PIP4K2A: variants seen among roughly 807,000 people sequenced by gnomAD.
The protein encoded by PIP4K2A is phosphatidylinositol-5-phosphate 4-kinase type 2 alpha.
PIP4K2A carries 14 observed loss-of-function variants against 42.9 expected under a neutral mutation model. The observed-to-expected ratio is 0.33, with a 90% CI of 0.22 to 0.51. PIP4K2A has a LOEUF of 0.51. Among genes scored for constraint, PIP4K2A ranks in the 20% least tolerant of loss-of-function variants. PIP4K2A has a pLI of 0.97. For synonymous variants in PIP4K2A, 192 were observed against 192.2 expected (o/e 1.00, Z 0.01); for missense variants, 434 against 519.8 (o/e 0.83, Z 1.61).
At chr10:22,627,588 T>TAAAAAAAAAAAAAAAAAAAAAAAAAA (rs1564448260) in intron 1 of PIP4K2A, among the ~76,000 whole-genome samples, 2 of 38,924 alleles carry the variant, frequency 5.1e-5, no homozygotes, top group African/African-American at 7.3e-5. Flanking sequence ...AGCTAATATG[T>TAAAAAAAAAAAAAAAAAAAAAAAAAA]AATAAAAAAA....
rs148943048 is a variant in PIP4K2A at position 22,595,985 on chromosome 10, C to G, written c.340-4204G>C. ...CTTTGGGAGGCCAAGGCGGGCAGAT[C>G]ACCTGAGGCTGGGAGTTCGAGACTA... is the stretch of plus-strand genomic sequence containing the variant. On this transcript the variant is annotated intron_variant, in intron 3 of 9. Transcript: ENST00000376573. Among the ~76,000 whole-genome samples, 12 of 152,106 alleles carry G rather than the reference C, an allele frequency of 7.9e-5. 1 individual carries two copies. The highest frequency in any genetic ancestry group is 2.1e-4 in the South Asian group (1 of 4,826).
intron 4 of PIP4K2A, among the ~76,000 whole-genome samples, chr10:22,586,629 C>G (rs763763185): frequency 3.9e-5 from 6 of 152,150 alleles, no homozygotes; most frequent in South Asian, 2.1e-4. Flanking sequence ...CTCCTGGGTT[C>G]AAGCGATTCT....
In PIP4K2A at chr10:22,652,852, G is replaced by A. The variant is rs572807206; in HGVS notation, c.145-43135C>T. 3.3e-5 allele frequency among the ~76,000 whole-genome samples: 5 copies of A among 152,296 alleles called. No homozygotes were observed. The East Asian group carries it at 9.6e-4, about 29-fold the overall frequency. On this transcript the variant is annotated intron_variant, in intron 1 of 9. Coordinates refer to ENST00000376573, the MANE Select transcript of PIP4K2A (RefSeq NM_005028.5). ...CTCACGCCTACAAGCCCAGAGCTTT[G>A]GGAGGCTGAGGCTTGAGGATCACTC...
rs114457694 is a variant in PIP4K2A at position 22,535,965 on chromosome 10, A to G, written c.*1236T>C. ...TTGACTAAAACACTCACGTAAAAAC[A>G]TGGCTGCAGGATACGTCTCAAAATA... On this transcript the variant is annotated 3_prime_UTR_variant, in exon 10 of 10. Transcript: ENST00000376573. 5.1e-6 allele frequency: 2 copies of G among 395,386 alleles called. No homozygotes were observed. Among genetic ancestry groups the G allele is most frequent in the African/African-American group, 4.1e-5 (2 of 48,714 alleles). 24.5% of individuals were successfully genotyped at this position (395,386 alleles called of 1,614,324 possible). A position where few individuals can be genotyped will look rare whatever the true frequency, so the allele number is the denominator to read the frequency against.
chr10:22,613,528 C>T lies in PIP4K2A; in HGVS notation c.145-3811G>A, dbSNP rs186445712. Among the ~76,000 whole-genome samples the T allele has an allele frequency of 1.6e-4, 24 of 152,232 alleles. 1 individual carries two copies. In the East Asian group the frequency reaches 4.4e-3, roughly 28 times the overall value. On this transcript the variant is annotated intron_variant, in intron 1 of 9. Transcript: ENST00000376573. ...GGAGGGAAGATGGGGCTCCCGACCA[C>T]TGGCTCCTATTTTCTCTGGGGATTA...
chr10:22,567,825 G>C, intron 6 of PIP4K2A, 26 bp downstream of exon 6: 1 of 1,594,000 alleles, frequency 6.3e-7, no homozygotes, highest in Non-Finnish European at 8.6e-7. Flanking sequence ...CCCAGGACAT[G>C]GGGAGACATA....
At chr10:22,540,103 G>GCACT in intron 8 of PIP4K2A, 29 bp from the exon 9 acceptor site, 1 of 1,202,934 alleles carries the variant, frequency 8.3e-7, no homozygotes, top group South Asian at 1.2e-5. Context: ...AATGACTGTG[G>GCACT]GACATGTGAC....
At chr10:22,663,548 A>G (rs1418053361) in intron 1 of PIP4K2A, among the ~76,000 whole-genome samples, 1 of 152,216 alleles carries the variant, frequency 6.6e-6, no homozygotes, top group South Asian at 2.1e-4. Context: ...GTATGTAGGT[A>G]GCATATTTCA....
chr10:22,678,250 T>C (rs959134589), intron 1 of PIP4K2A, among the ~76,000 whole-genome samples: 10 of 151,598 alleles, frequency 6.6e-5, no homozygotes, highest in African/African-American at 1.7e-4. Context: ...GCCAGGAGGG[T>C]TCCACTTTCT....
At chr10:22,698,066 G>A (rs190972774) in intron 1 of PIP4K2A, among the ~76,000 whole-genome samples, 9 of 152,178 alleles carry the variant, frequency 5.9e-5, no homozygotes, top group South Asian at 2.1e-4. Context: ...CTTAGAGTCC[G>A]ACGAAGAAAA....
At chr10:22,628,135 ATG>A (rs71836242) in intron 1 of PIP4K2A, among the ~76,000 whole-genome samples, 21,829 of 152,172 alleles carry the variant, frequency 0.14, 1,881 homozygotes, top group African/African-American at 0.24. Context: ...TACAATGCCA[ATG>A]ATTAAGTTTC....
At chr10:22,573,865 C>T (rs1217905659) in intron 4 of PIP4K2A, among the ~76,000 whole-genome samples, 1 of 152,252 alleles carries the variant, frequency 6.6e-6, no homozygotes, top group Non-Finnish European at 1.5e-5. Context: ...GCTAAAATAG[C>T]TTCTCTAACA....
chr10:22,647,308 C>CTGTGTGTGTGTG (rs747952978), intron 1 of PIP4K2A, among the ~76,000 whole-genome samples: 1 of 140,230 alleles, frequency 7.1e-6, no homozygotes, highest in African/African-American at 2.6e-5. Flanking sequence ...TCTCTAAATA[C>CTGTGTGTGTGTG]TGTGTGTGTG....
At chr10:22,619,432 CTTTTTT>C (rs1838261514) in intron 1 of PIP4K2A, among the ~76,000 whole-genome samples, 2 of 130,776 alleles carry the variant, frequency 1.5e-5, no homozygotes, top group African/African-American at 3.9e-5. Flanking sequence ...TTTTCTTTTT[CTTTTTT>C]CTTTTTTTTT....
intron 4 of PIP4K2A, among the ~76,000 whole-genome samples, chr10:22,583,858 G>A (rs571962636): frequency 1.3e-5 from 2 of 152,342 alleles, no homozygotes; most frequent in South Asian, 2.1e-4. Flanking sequence ...GGCCTGCAGG[G>A]GCAGCTCCTT....
At chr10:22,544,875 G>C (rs1321167990) in intron 7 of PIP4K2A, among the ~76,000 whole-genome samples, 1 of 152,184 alleles carries the variant, frequency 6.6e-6, no homozygotes, top group Non-Finnish European at 1.5e-5. Flanking sequence ...GTGCCTTCAG[G>C]TCTCAGCTGC....
chr10:22,569,606 G>A (rs927639744), intron 5 of PIP4K2A, among the ~76,000 whole-genome samples: 4 of 152,140 alleles, frequency 2.6e-5, no homozygotes, highest in Admixed American at 6.5e-5. Context: ...GGAACAGGAA[G>A]AAACTATTCT....
At chr10:22,577,168 T>G (rs909603053) in intron 4 of PIP4K2A, among the ~76,000 whole-genome samples, 1 of 151,988 alleles carries the variant, frequency 6.6e-6, no homozygotes, top group East Asian at 1.9e-4. Flanking sequence ...TGAGCGGTGC[T>G]GACTTTGCAT....
At position 22,624,221 on chromosome 10, in the gene PIP4K2A, T is replaced by C. The variant is rs1588671134; in HGVS notation, c.145-14504A>G. Among the ~76,000 whole-genome samples the C allele has an allele frequency of 2.0e-5, 3 of 152,320 alleles. No homozygotes were observed. The East Asian group carries it at 5.8e-4, about 29-fold the overall frequency. On this transcript the variant is annotated intron_variant, in intron 1 of 9. Transcript: ENST00000376573. ...TAACATGTAGAAGCTTCTTTCTGGGTTCCTCTGCTAGGAAAAGACTAAAAA... is the reference window on the plus strand; with the variant it reads ...TAACATGTAGAAGCTTCTTTCTGGGCTCCTCTGCTAGGAAAAGACTAAAAA...
Sources: gnomAD v4.1 joint callset for allele counts (sites outside exome capture counted in the v4.1 genomes callset) on GRCh38, gnomAD v4.1.1 for gene constraint, MANE v1.5 for transcripts, NCBI Gene and HGNC (gene_info 2026-07-23, HGNC 2026-07-21) for gene names.